The following GNA12 variants were observed in gnomAD, a reference collection of about 807,000 sequenced individuals.
GNA12 encodes guanine nucleotide-binding protein subunit alpha-12.
Under a neutral mutation model 26.0 loss-of-function variants are expected in GNA12, and 9 were observed. The observed-to-expected ratio is 0.35, with a 90% CI of 0.21 to 0.60. The LOEUF (loss-of-function observed/expected upper bound fraction) is 0.60. Among genes scored for constraint, GNA12 ranks in the 20% least tolerant of loss-of-function variants. The pLI, the probability that GNA12 is intolerant of heterozygous loss-of-function variation, is 0.78. For missense variants in GNA12, 405 were observed against 525.8 expected, an observed-to-expected ratio of 0.77 and a Z score of 2.25; for synonymous variants, 264 against 219.6, an observed-to-expected ratio of 1.20 and a Z score of -1.79.
At chr7:2,763,044 G>A (rs547878062) in intron 2 of GNA12, 14 of 1,248,096 alleles carry the variant, frequency 1.1e-5, no homozygotes, top group African/African-American at 6.2e-5. Context: ...TCAGCGTGCC[G>A]TTCCTCCAGG....
At chr7:2,839,118 C>T (rs375452600) in intron 1 of GNA12, among the ~76,000 whole-genome samples, 129 of 152,330 alleles carry the variant, frequency 8.5e-4, no homozygotes, top group African/African-American at 3.0e-3. Flanking sequence ...CCAAATAGAC[C>T]GTATCCTAGG....
chr7:2,750,723 GACAC>G (rs1484424921), intron 2 of GNA12, among the ~76,000 whole-genome samples: 2 of 152,254 alleles, frequency 1.3e-5, no homozygotes, highest in African/African-American at 4.8e-5. Context: ...CATGTTAACA[GACAC>G]ACACACAGTG....
rs1246448161 is a variant in GNA12 at position 2,731,493 on chromosome 7, C to T, written c.834G>A (p.Glu278=). The stretch of plus-strand genomic sequence containing the variant: ...AGAAGAGCTTGTTGTTGACGATGGT[C>T]TCGAAGATGTTCATGGACTCCACCA... ...NRLVESMNIF[E]TIVNNKLFFN... Residue 278 remains glutamate, a synonymous_variant, in exon 4 of 4, where the codon GAG becomes GAA. Transcript: ENST00000275364. This position sits in a 1 kb window ranked among gnomAD's most constrained non-coding sequence, Gnocchi z 6.0. 12 of 1,613,796 alleles carry T rather than the reference C, an allele frequency of 7.4e-6. No homozygotes were observed. The highest frequency in any genetic ancestry group is 3.3e-4 in the Middle Eastern group (2 of 6,058).
chr7:2,780,576 G>T (rs1023785877), intron 2 of GNA12, among the ~76,000 whole-genome samples: 1 of 152,054 alleles, frequency 6.6e-6, no homozygotes, highest in Admixed American at 6.6e-5. Flanking sequence ...TCCTGTGTAT[G>T]CACTCTTCAA....
intron 3 of GNA12, among the ~76,000 whole-genome samples, 193 bp downstream of exon 3, chr7:2,733,258 T>C (rs1167598891): frequency 6.6e-6 from 1 of 152,290 alleles, no homozygotes; most frequent in Middle Eastern, 3.4e-3. Flanking sequence ...AAAGGCAGTT[T>C]CCTCCCCTCC....
chr7:2,760,949 CT>C (rs1375503832), intron 2 of GNA12, among the ~76,000 whole-genome samples: 15 of 152,348 alleles, frequency 9.8e-5, no homozygotes, highest in Non-Finnish European at 5.9e-5. Flanking sequence ...CCAGCTCCCC[CT>C]GTCCTTCCCA....
At chr7:2,820,401 C>CT (rs35674433) in intron 1 of GNA12, among the ~76,000 whole-genome samples, 5,784 of 126,282 alleles carry the variant, frequency 0.046, 359 homozygotes, top group African/African-American at 0.13. Flanking sequence ...CTCAATAAAG[C>CT]TTTTTTTTTT....
At chr7:2,772,695 G>A (rs960578944) in intron 2 of GNA12, among the ~76,000 whole-genome samples, 5 of 152,174 alleles carry the variant, frequency 3.3e-5, no homozygotes, top group Admixed American at 6.5e-5. Flanking sequence ...TGGTTAGAAC[G>A]TGGACTAACT....
At chr7:2,814,934 A>C in intron 1 of GNA12, 1 of 1,587,196 alleles carries the variant, frequency 6.3e-7, no homozygotes, top group Non-Finnish European at 8.6e-7. Context: ...GTTTCATTTC[A>C]AATGCCTACA....
At chr7:2,761,421 C>A (rs548810467) in intron 2 of GNA12, among the ~76,000 whole-genome samples, 33 of 152,338 alleles carry the variant, frequency 2.2e-4, no homozygotes, top group African/African-American at 7.5e-4. Flanking sequence ...GGACGGCTGA[C>A]TTCATGGCAG....
intron 2 of GNA12, among the ~76,000 whole-genome samples, chr7:2,785,243 T>TCA (rs977132071): frequency 7.2e-5 from 11 of 152,280 alleles, no homozygotes; most frequent in African/African-American, 2.6e-4. Flanking sequence ...AGAGCTGGGA[T>TCA]CAGCACCCAA....
chr7:2,763,842 A>G (rs909487006), intron 2 of GNA12, among the ~76,000 whole-genome samples: 2 of 152,212 alleles, frequency 1.3e-5, no homozygotes, highest in Non-Finnish European at 2.9e-5. Flanking sequence ...ATCCCCACTC[A>G]GTGGCCTCCA....
At chr7:2,760,694 C>T (rs565821233) in intron 2 of GNA12, among the ~76,000 whole-genome samples, 1 of 152,236 alleles carries the variant, frequency 6.6e-6, no homozygotes, top group Non-Finnish European at 1.5e-5. Context: ...AATCCATCTC[C>T]ATTTCCTTCT....
chr7:2,792,983 C>T (rs1003900258), intron 2 of GNA12, among the ~76,000 whole-genome samples: 1 of 152,208 alleles, frequency 6.6e-6, no homozygotes, highest in African/African-American at 2.4e-5. Flanking sequence ...GCAACCCAGG[C>T]TTGCATCACC....
chr7:2,822,297 A>C (rs1793387138), intron 1 of GNA12, among the ~76,000 whole-genome samples: 1 of 152,208 alleles, frequency 6.6e-6, no homozygotes. Context: ...CAATTTCTTC[A>C]GAATTCAGAG....
chr7:2,770,035 T>C (rs535718018), intron 2 of GNA12, among the ~76,000 whole-genome samples: 81 of 152,302 alleles, frequency 5.3e-4, no homozygotes, highest in South Asian at 4.6e-3. Context: ...AAATAGATCA[T>C]AGTGACATGC....
chr7:2,818,689 G>A (rs1430835717), intron 1 of GNA12, among the ~76,000 whole-genome samples: 3 of 151,688 alleles, frequency 2.0e-5, no homozygotes, highest in Non-Finnish European at 4.4e-5. Flanking sequence ...CCTGAGCCCA[G>A]GAGGTGGAGG....
intron 1 of GNA12, among the ~76,000 whole-genome samples, chr7:2,808,020 C>T (rs1176542184): frequency 1.3e-5 from 2 of 152,262 alleles, no homozygotes; most frequent in African/African-American, 4.8e-5. Context: ...CCACTTAGGA[C>T]TCAGGCTGCT....
At chr7:2,810,870 C>T (rs1793063782) in intron 1 of GNA12, among the ~76,000 whole-genome samples, 1 of 151,608 alleles carries the variant, frequency 6.6e-6, no homozygotes, top group Non-Finnish European at 1.5e-5. Context: ...TGCATTCCAG[C>T]CTGGGTGACA....
Sources: gnomAD v4.1 joint callset for allele counts (sites outside exome capture counted in the v4.1 genomes callset) on GRCh38, gnomAD v4.1.1 for gene constraint, Gnocchi (gnomAD v3.1) non-coding constraint, MANE v1.5 for transcripts, NCBI Gene and HGNC (gene_info 2026-07-23, HGNC 2026-07-21) for gene names.